The following MST1R variants were observed in gnomAD, a reference collection of about 807,000 sequenced individuals.
MST1R encodes the protein macrophage stimulating 1 receptor.
In MST1R, 99 loss-of-function variants were observed where a neutral mutation model predicts 117.8. The observed-to-expected ratio is 0.84, with a 90% confidence interval of 0.71 to 0.99. The LOEUF is 0.99. Ranked by LOEUF, MST1R falls within the 50% of genes least tolerant of loss-of-function variation. The pLI, the probability that MST1R is intolerant of heterozygous loss-of-function variation, is 0.00. For synonymous variants in MST1R, 734 were observed against 765.3 expected (o/e 0.96, Z 0.68); for missense variants, 1,683 against 1,840.2 (o/e 0.91, Z 1.56).
At chr3:49,899,321 G>A in intron 1 of MST1R, 58 bp from the exon 2 acceptor site, 1 of 1,589,674 alleles carries the variant, frequency 6.3e-7, no homozygotes, top group Non-Finnish European at 8.6e-7. Context: ...CCGACCCTCT[G>A]GGGCCTTTGT....
chr3:49,896,022 TC>T lies in MST1R; in HGVS notation c.2734del (p.Asp912ThrfsTer24). 6 of 1,602,548 alleles carry T rather than the reference TC, an allele frequency of 3.7e-6. No homozygotes were observed. The highest frequency in any genetic ancestry group is 2.2e-5 in the East Asian group (1 of 44,786). ...TGGGGGCAGGGGGCAGACAACCATG[TC>T]CCCCCGGAACTCGTGCTGGCAGCTC... ...GESCQHEFRG[D>X]MVVCPLPPSL... On this transcript the variant is annotated frameshift_variant, in exon 11 of 20. Coordinates refer to ENST00000296474, the MANE Select transcript of MST1R (RefSeq NM_002447.4). LOFTEE classifies it high-confidence loss of function.
chr3:49,887,911 C>G (rs1472591051), intron 19 of MST1R, among the ~76,000 whole-genome samples: 1 of 152,220 alleles, frequency 6.6e-6, no homozygotes, highest in Non-Finnish European at 1.5e-5. Context: ...CTGTGAAGTG[C>G]TAGGCACAAG....
intron 18 of MST1R, 37 bp downstream of exon 18, chr3:49,890,448 C>A: frequency 1.3e-6 from 2 of 1,585,178 alleles, no homozygotes; most frequent in Non-Finnish European, 1.7e-6. Context: ...TCTTGGGTGC[C>A]AAAGCCATGT....
chr3:49,889,040 A>G (rs891678697), intron 19 of MST1R, among the ~76,000 whole-genome samples: 1 of 152,236 alleles, frequency 6.6e-6, no homozygotes, highest in Admixed American at 6.5e-5. Flanking sequence ...CTAGTAACTG[A>G]TTAATGCCTG....
chr3:49,896,554 C>T lies in MST1R; in HGVS notation c.2425G>A (p.Ala809Thr). 6.2e-7 allele frequency: 1 copy of T among 1,614,186 alleles called. No individual in the cohort carries two copies. The highest frequency in any genetic ancestry group is 8.5e-7 in the Non-Finnish European group (1 of 1,180,036). The change falls in exon 9 of 20, where the codon GCA becomes ACA. Residue 809 changes from alanine (A) to threonine (T), a missense_variant. Ala to Thr is a moderately conservative substitution (Grantham distance 58). Coordinates refer to ENST00000296474, the MANE Select transcript of MST1R (RefSeq NM_002447.4). Reference sequence around the variant, plus strand: ...CACTCACTCACCCTGCTTTCCACTGCCCTAAGCCCGTCATGGAATGACAGC... The same window carrying T: ...CACTCACTCACCCTGCTTTCCACTGTCCTAAGCCCGTCATGGAATGACAGC... ...LVLSFHDGLRAVESRCERQLP... is the reference protein window; with the variant it reads ...LVLSFHDGLRTVESRCERQLP...
At position 49,897,312 on chromosome 3, in the gene MST1R, C is replaced by G; in HGVS notation, c.2151G>C (p.Val717=). 6.2e-7 allele frequency: 1 copy of G among 1,613,088 alleles called. No homozygotes were observed. Among genetic ancestry groups the G allele is most frequent in the Non-Finnish European group, 8.5e-7 (1 of 1,179,504 alleles). Reference sequence around the variant, plus strand: ...GCAGACACTCAGTCCCATTGACCAGCACAGCCCGGCTGGTGCCTACAGACA... The same window carrying G: ...GCAGACACTCAGTCCCATTGACCAGGACAGCCCGGCTGGTGCCTACAGACA... ...QSLSVGTSRA[V]LVNGTECLLA... The change falls in exon 7 of 20, where the codon GTG becomes GTC. Residue 717 remains valine (V), a synonymous_variant. Coordinates refer to ENST00000296474, the MANE Select transcript of MST1R (RefSeq NM_002447.4).
In MST1R at chr3:49,903,851, C is replaced by A. The variant is rs900775105; in HGVS notation, c.-242G>T. The A allele has an allele frequency of 2.3e-5, 12 of 529,232 alleles. No individual in the cohort carries two copies. Among genetic ancestry groups the A allele is most frequent in the Non-Finnish European group, 3.9e-5 (12 of 307,028 alleles). 32.8% of individuals were successfully genotyped at this position (529,232 alleles called of 1,614,324 possible). On this transcript the variant is annotated 5_prime_UTR_variant, in exon 1 of 20. Transcript: ENST00000296474. The stretch of plus-strand genomic sequence containing the variant: ...GCAACGCCCCAGCCGCCTCACCTGC[C>A]GCCCCAGCCGCCGCTGTACACTGGC...
Position 49,891,471 on chromosome 3 carries a change from C to T in MST1R, c.3462G>A (p.Glu1154=), listed in dbSNP as rs780724292. ...AGGGCAGCAGCACATGGGGCAGGCCCTCAGGTGGCAACATGATACCAATGA... is the reference window on the plus strand; with the variant it reads ...AGGGCAGCAGCACATGGGGCAGGCCTTCAGGTGGCAACATGATACCAATGA... ...LALIGIMLPP[E]GLPHVLLPYM... is the part of the protein sequence containing the mutation. The change falls in exon 16 of 20, where the codon GAG becomes GAA. Residue 1154 remains glutamate, a synonymous_variant. Coordinates refer to ENST00000296474, the MANE Select transcript of MST1R (RefSeq NM_002447.4). 10 of 1,613,890 alleles carry T rather than the reference C, an allele frequency of 6.2e-6. No individual in the cohort carries two copies. The highest frequency in any genetic ancestry group is 1.7e-5 in the Admixed American group (1 of 60,008).
chr3:49,896,177 C>T lies in MST1R; in HGVS notation c.2649+18G>A. On this transcript the variant is annotated intron_variant, in intron 10 of 19. Coordinates refer to ENST00000296474, the MANE Select transcript of MST1R (RefSeq NM_002447.4). The stretch of plus-strand genomic sequence containing the variant: ...TTTCAGATCCCCAACTGTCCCTGCC[C>T]CTATCCCTTACACTTACCTCAAACT... 3.1e-6 allele frequency: 5 copies of T among 1,614,154 alleles called. No homozygotes were observed. The highest frequency in any genetic ancestry group is 4.2e-6 in the Non-Finnish European group (5 of 1,180,006).
Position 49,887,317 on chromosome 3 carries a change from C to G in MST1R, c.4193G>C (p.Arg1398Pro). The G allele has an allele frequency of 6.2e-7, 1 of 1,614,086 alleles. No individual in the cohort carries two copies. The highest frequency in any genetic ancestry group is 1.3e-5 in the African/African-American group (1 of 75,076). Reference protein sequence around the residue: ...RRPRPLSEPPRPT With the variant: ...RRPRPLSEPPPPT ...AGCCCAAGAACTAAGTCAAGTGGGC[C>G]GAGGAGGCTCTGAGAGTGGCCGGGG... The change falls in exon 20 of 20, where the codon CGG (arginine) becomes CCG (proline). Residue 1398 changes from arginine to proline, a missense_variant. By Grantham distance (103) the Arg-to-Pro change is moderately radical. Coordinates refer to ENST00000296474, the MANE Select transcript of MST1R (RefSeq NM_002447.4).
At chr3:49,902,247 G>C in intron 1 of MST1R, 133 bp downstream of exon 1, 1 of 1,295,736 alleles carries the variant, frequency 7.7e-7, no homozygotes, top group South Asian at 1.4e-5. Flanking sequence ...CTTAGGAACT[G>C]GGTGAGAGAG....
intron 1 of MST1R, among the ~76,000 whole-genome samples, chr3:49,900,153 G>C (rs1457472173): frequency 6.6e-6 from 1 of 152,192 alleles, no homozygotes; most frequent in African/African-American, 2.4e-5. Context: ...CCAAAGGTCT[G>C]CCTGTACTCC....
intron 18 of MST1R, 116 bp from the exon 19 acceptor site, chr3:49,890,176 C>CA (rs1328599647): frequency 7.7e-7 from 1 of 1,290,576 alleles, no homozygotes; most frequent in Non-Finnish European, 1.1e-6. Context: ...CCCTACCCTC[C>CA]ACTGAGAGCT....
At position 49,898,630 on chromosome 3, in the gene MST1R, C is replaced by G. The variant is rs1459639816; in HGVS notation, c.1607G>C (p.Cys536Ser). ...GCRHFLTCGR[C>S]LRAWHFMGCG... ...GCCCATGAAATGCCATGCCCTTAGG[C>G]AACGCCCACAGGTCAGGAAGTGGCG... Residue 536 changes from cysteine to serine, a missense_variant, in exon 4 of 20, where the codon TGC becomes TCC. Physicochemically the swap from Cys to Ser is moderately radical, Grantham distance 112. Transcript: ENST00000296474. 5 of 1,614,092 alleles carry G rather than the reference C, an allele frequency of 3.1e-6. No individual in the cohort carries two copies. The South Asian group carries it at 5.5e-5, about 18-fold the overall frequency.
At chr3:49,892,449 C>T (rs939732756) in intron 14 of MST1R, among the ~76,000 whole-genome samples, 1 of 151,394 alleles carries the variant, frequency 6.6e-6, no homozygotes, top group Non-Finnish European at 1.5e-5. Flanking sequence ...ATAGCTTGAA[C>T]CCGGGAGGCA....
In MST1R at chr3:49,902,484, T is replaced by C. The variant is rs749302579; in HGVS notation, c.1126A>G (p.Thr376Ala). ...VCAFPIDLLD[T>A]LIDEGVERCC... ...CGCTCCACACCCTCATCAATTAGTG[T>C]GTCCAGCAGGTCAATGGGGAAGGCA... is the stretch of plus-strand genomic sequence containing the variant. Residue 376 changes from threonine to alanine, a missense_variant, in exon 1 of 20, where the codon ACA becomes GCA. Physicochemically the swap from Thr to Ala is moderately conservative, Grantham distance 58. Coordinates refer to ENST00000296474, the MANE Select transcript of MST1R (RefSeq NM_002447.4). 3 of 1,614,170 alleles carry C rather than the reference T, an allele frequency of 1.9e-6. No homozygotes were observed. Among genetic ancestry groups the C allele is most frequent in the South Asian group, 2.2e-5 (2 of 91,086 alleles).
At chr3:49,890,696 G>A in intron 17 of MST1R, 46 bp from the exon 18 acceptor site, 1 of 1,550,418 alleles carries the variant, frequency 6.4e-7, no homozygotes, top group Non-Finnish European at 8.7e-7. Flanking sequence ...CCCTTACCAG[G>A]CCCTGAACCC....
chr3:49,903,690 A>G lies in MST1R; in HGVS notation c.-81T>C. 2 of 1,496,782 alleles carry G rather than the reference A, an allele frequency of 1.3e-6. No homozygotes were observed. Among genetic ancestry groups the G allele is most frequent in the Non-Finnish European group, 1.8e-6 (2 of 1,131,294 alleles). The allele number at this position is 1,496,782 out of a possible 1,614,324, so 92.7% of individuals were successfully genotyped here. ...TGGGCCTGGCTGGGGGCCCGACTCGAGGTCTGGACTGGGCCAAATTTAAGC... is the reference window on the plus strand; with the variant it reads ...TGGGCCTGGCTGGGGGCCCGACTCGGGGTCTGGACTGGGCCAAATTTAAGC... On this transcript the variant is annotated 5_prime_UTR_variant, in exon 1 of 20. Coordinates refer to ENST00000296474, the MANE Select transcript of MST1R (RefSeq NM_002447.4).
Position 49,902,625 on chromosome 3 carries a change from C to G in MST1R, c.985G>C (p.Val329Leu), listed in dbSNP as rs767928869. 3 of 1,613,510 alleles carry G rather than the reference C, an allele frequency of 1.9e-6. No individual in the cohort carries two copies. Among genetic ancestry groups the G allele is most frequent in the Non-Finnish European group, 2.5e-6 (3 of 1,180,030 alleles). The part of the protein sequence containing the change: ...PVLRVAHSAP[V>L]GAQLATELSI... ...AGCTCAGTGGCAAGTTGGGCACCCACTGGAGCGGAGTGGGCCACCCGCAGC... is the reference window on the plus strand; with the variant it reads ...AGCTCAGTGGCAAGTTGGGCACCCAGTGGAGCGGAGTGGGCCACCCGCAGC... The change falls in exon 1 of 20, where the codon GTG becomes CTG. Residue 329 changes from valine (V) to leucine (L), a missense_variant. Val to Leu is a conservative substitution (Grantham distance 32). Transcript: ENST00000296474.
Sources: gnomAD v4.1 joint callset for allele counts (sites outside exome capture counted in the v4.1 genomes callset) on GRCh38, gnomAD v4.1.1 for gene constraint, MANE v1.5 for transcripts, NCBI Gene and HGNC (gene_info 2026-07-23, HGNC 2026-07-21) for gene names.